Variants in BRCA2 observed in about 807,000 individuals in gnomAD.
The protein encoded by BRCA2 is BRCA2 DNA repair associated.
A neutral mutation model predicts 276.7 loss-of-function variants in BRCA2; 203 were observed. The observed-to-expected ratio is 0.73, with a 90% CI of 0.65 to 0.82. BRCA2 has a LOEUF of 0.82. BRCA2 is among the 40% of genes least tolerant of loss of function. The probability of loss-of-function intolerance (pLI) is 0.00; values close to 1 mark genes in which losing one functional copy is unlikely to be tolerated. For synonymous variants in BRCA2, 1,289 were observed against 1,338.4 expected (o/e 0.96, Z 0.81); for missense variants, 3,920 against 3,915.0 (o/e 1.00, Z -0.03).
At chr13:32,349,814 CAAA>C (rs11327981) in intron 13 of BRCA2, among the ~76,000 whole-genome samples, 37 of 115,668 alleles carry the variant, frequency 3.2e-4, no homozygotes, top group Non-Finnish European at 2.9e-4. Flanking sequence ...GACCCCACAT[CAAA>C]AAAAAAAAAA....
intron 16 of BRCA2, among the ~76,000 whole-genome samples, chr13:32,359,245 A>G (rs1307419478): frequency 7.2e-5 from 10 of 138,304 alleles, no homozygotes; most frequent in Non-Finnish European, 1.1e-4. Context: ...AAAAAAAAAG[A>G]AAGTTAAATT....
chr13:32,351,905 G>A (rs964839537), intron 13 of BRCA2, among the ~76,000 whole-genome samples: 8 of 152,020 alleles, frequency 5.3e-5, no homozygotes, highest in Admixed American at 2.6e-4. Flanking sequence ...AGGTTCAAGC[G>A]ACTCTCCTGC....
rs397507384 is a variant in BRCA2, at chr13:32,355,088, C to T, written c.7235C>T (p.Thr2412Ile). ...AAAGTCTTTGTTCCACCTTTTAAAA[C>T]TAAATCACATTTTCACAGAGTTGAA... Reference protein sequence around the residue: ...PTKVFVPPFKTKSHFHRVEQC... With the variant: ...PTKVFVPPFKIKSHFHRVEQC... Residue 2412 changes from threonine to isoleucine, a missense_variant, in exon 14 of 27, where the codon ACT (threonine) becomes ATT (isoleucine). Around this residue, in one of 2 missense-constraint regions of BRCA2, gnomAD observed 3,263 missense variants for 3,156.9 expected, o/e 1.03. Coordinates refer to ENST00000380152, the MANE Select transcript of BRCA2 (RefSeq NM_000059.4). 2 of 1,613,922 alleles carry T rather than the reference C, an allele frequency of 1.2e-6. No individual in the cohort carries two copies. Among genetic ancestry groups the T allele is most frequent in the South Asian group, 1.1e-5 (1 of 91,072 alleles).
At chr13:32,335,098 C>T (rs913451128) in intron 10 of BRCA2, among the ~76,000 whole-genome samples, 2 of 152,152 alleles carry the variant, frequency 1.3e-5, no homozygotes, top group African/African-American at 4.8e-5. Context: ...AATCCCAGCA[C>T]TTTGGGAGGC....
intron 26 of BRCA2, among the ~76,000 whole-genome samples, chr13:32,397,354 A>G (rs932169879): frequency 1.3e-5 from 2 of 152,226 alleles, no homozygotes; most frequent in African/African-American, 4.8e-5. Context: ...TTTCTAAGCT[A>G]TTTAAGTGGT....
chr13:32,399,754 C>A lies in BRCA2; in HGVS notation c.*984C>A. Reference sequence around the variant, plus strand: ...TTACCACAAAAGCAGAAGATTAATTCAATTTAAGATGATACTCTCATTTGT... The same window carrying A: ...TTACCACAAAAGCAGAAGATTAATTAAATTTAAGATGATACTCTCATTTGT... On this transcript the variant is annotated 3_prime_UTR_variant, in exon 27 of 27. Transcript: ENST00000380152. 1 of 154,928 alleles carries A rather than the reference C, an allele frequency of 6.5e-6. No homozygotes were observed. Among genetic ancestry groups the A allele is most frequent in the Non-Finnish European group, 1.4e-5 (1 of 70,202 alleles). 9.6% of individuals were successfully genotyped at this position (154,928 alleles called of 1,614,324 possible).
At chr13:32,385,614 CAG>C (rs1367000449) in intron 24 of BRCA2, 1 of 265,638 alleles carries the variant, frequency 3.8e-6, no homozygotes, top group East Asian at 1.0e-4. Flanking sequence ...GAGGGCAGAA[CAG>C]AGAAAAGGTA....
chr13:32,379,723 G>A (rs368933530), intron 22 of BRCA2, 27 bp from the exon 23 acceptor site: 2 of 1,598,806 alleles, frequency 1.3e-6, no homozygotes, highest in East Asian at 4.5e-5. Flanking sequence ...TTCTTCCATT[G>A]CATCTTTCTC....
At chr13:32,352,063 G>A (rs1357325850) in intron 13 of BRCA2, among the ~76,000 whole-genome samples, 3 of 152,064 alleles carry the variant, frequency 2.0e-5, no homozygotes, top group Non-Finnish European at 4.4e-5. Flanking sequence ...GGCCTCCCAA[G>A]GTGCTGGGAT....
At position 32,315,523 on chromosome 13, in the gene BRCA2, G is replaced by A; in HGVS notation, c.-184G>A. On this transcript the variant is annotated 5_prime_UTR_variant, in exon 1 of 27. The change creates a new upstream start codon in the 5' untranslated region. Coordinates refer to ENST00000380152, the MANE Select transcript of BRCA2 (RefSeq NM_000059.4). The stretch of plus-strand genomic sequence containing the variant: ...ACTAGGCGGCAGAGGCGGAGCCGCT[G>A]TGGCACTGCTGCGCCTCTGCTGCGC... 6.6e-6 allele frequency: 1 copy of A among 152,438 alleles called. No homozygotes were observed. The highest frequency in any genetic ancestry group is 1.5e-5 in the Non-Finnish European group (1 of 68,080). The allele number at this position is 152,438 out of a possible 1,614,324, so 9.4% of individuals were successfully genotyped here.
At chr13:32,318,285 G>A (rs1272748861) in intron 2 of BRCA2, among the ~76,000 whole-genome samples, 1 of 152,148 alleles carries the variant, frequency 6.6e-6, no homozygotes, top group Non-Finnish European at 1.5e-5. Flanking sequence ...TAATGGTAGA[G>A]GATGAATAGC....
chr13:32,373,144 A>G (rs1172797466), intron 20 of BRCA2, among the ~76,000 whole-genome samples: 1 of 151,662 alleles, frequency 6.6e-6, no homozygotes, highest in African/African-American at 2.4e-5. Flanking sequence ...GGTGTGCACC[A>G]CCATGCCCAG....
chr13:32,363,693 T>A (rs2072762565), intron 18 of BRCA2, among the ~76,000 whole-genome samples, 160 bp downstream of exon 18: 1 of 152,216 alleles, frequency 6.6e-6, no homozygotes, highest in Non-Finnish European at 1.5e-5. Context: ...TTAAAGTTTT[T>A]GTGCAGTTTT....
intron 3 of BRCA2, among the ~76,000 whole-genome samples, chr13:32,321,541 A>G (rs1160720014): frequency 3.9e-5 from 6 of 152,202 alleles, no homozygotes; most frequent in African/African-American, 9.7e-5. Context: ...ATTGATCTAT[A>G]ACCAAGGAAG....
chr13:32,391,244 T>G (rs981029837), intron 24 of BRCA2, among the ~76,000 whole-genome samples: 4 of 152,120 alleles, frequency 2.6e-5, no homozygotes, highest in Non-Finnish European at 5.9e-5. Flanking sequence ...GACTTACAGA[T>G]TTCATGTAGG....
At chr13:32,318,167 G>A (rs2138701575) in intron 2 of BRCA2, among the ~76,000 whole-genome samples, 1 of 152,300 alleles carries the variant, frequency 6.6e-6, no homozygotes. Context: ...TCATGCAAAT[G>A]TGCCAGCAGT....
rs762191939 is a variant in BRCA2, at chr13:32,341,073, C to T, written c.6718C>T (p.Leu2240=). 1.2e-6 allele frequency: 2 copies of T among 1,613,968 alleles called. No homozygotes were observed. Among genetic ancestry groups the T allele is most frequent in the African/African-American group, 1.3e-5 (1 of 75,036 alleles). ...IAKAFMEDDE[L]TDSKLPSHAT... is the part of the protein sequence containing the mutation. ...TAAAGCTTTTATGGAAGATGATGAA[C>T]TGACAGATTCTAAACTGCCAAGTCA... The change falls in exon 11 of 27, where the codon CTG becomes TTG. Residue 2240 remains leucine (L), a synonymous_variant. Coordinates refer to ENST00000380152, the MANE Select transcript of BRCA2 (RefSeq NM_000059.4).
In BRCA2 at chr13:32,337,191, G is replaced by C. The variant is rs80358534; in HGVS notation, c.2836G>C (p.Asp946His). ...AGCAACCCAAGTGTCAATTAAAAAA[G>C]ATTTGGTTTATGTTCTTGCAGAGGA... Reference protein sequence around the residue: ...KQATQVSIKKDLVYVLAEENK... With the variant: ...KQATQVSIKKHLVYVLAEENK... The change falls in exon 11 of 27, where the codon GAT becomes CAT. Residue 946 changes from aspartate to histidine, a missense_variant. By Grantham distance (81) the Asp-to-His change is moderately conservative. This residue lies in a region of BRCA2 where 3,263 missense variants were observed against 3,156.9 expected (regional missense o/e 1.03). Coordinates refer to ENST00000380152, the MANE Select transcript of BRCA2 (RefSeq NM_000059.4). 1.9e-6 allele frequency: 3 copies of C among 1,613,672 alleles called. No individual in the cohort carries two copies. The highest frequency in any genetic ancestry group is 2.5e-6 in the Non-Finnish European group (3 of 1,179,848).
rs879255465 is a variant in BRCA2, at chr13:32,362,600, T to C, written c.7883T>C (p.Ile2628Thr). 1.9e-6 allele frequency: 3 copies of C among 1,614,206 alleles called. No individual in the cohort carries two copies. Among genetic ancestry groups the C allele is most frequent in the Non-Finnish European group, 2.5e-6 (3 of 1,180,022 alleles). The change falls in exon 17 of 27, where the codon ATA becomes ACA. Residue 2628 changes from isoleucine to threonine, a missense_variant. Physicochemically the swap from Ile to Thr is moderately conservative, Grantham distance 89. This residue lies in a region of BRCA2 where 3,263 missense variants were observed against 3,156.9 expected (regional missense o/e 1.03). Transcript: ENST00000380152. ...IWVYNHYRWI[I>T]WKLAAMECAF... is the part of the protein sequence containing the mutation. ...GTTTATAATCACTATAGATGGATCATATGGAAACTGGCAGCTATGGAATGT... is the reference window on the plus strand; with the variant it reads ...GTTTATAATCACTATAGATGGATCACATGGAAACTGGCAGCTATGGAATGT...
Sources: allele counts gnomAD v4.1 joint callset (sites outside exome capture counted in the v4.1 genomes callset), GRCh38; gene constraint gnomAD v4.1.1; regional missense constraint gnomAD v4.1.1; transcripts MANE v1.5; gene names NCBI Gene and HGNC (gene_info 2026-07-23, HGNC 2026-07-21).